Variants in KCNQ1 observed in about 807,000 individuals in gnomAD.
The protein encoded by KCNQ1 is potassium voltage-gated channel subfamily Q member 1, also known as potassium voltage-gated channel subfamily KQT member 1.
In KCNQ1, 49 loss-of-function variants were observed where a neutral mutation model predicts 72.4. That is an observed-to-expected ratio of 0.68 (90% CI 0.54 to 0.86). The LOEUF is 0.86. Ranked by LOEUF, KCNQ1 falls within the 40% of genes least tolerant of loss-of-function variation. The pLI is 0.00. For synonymous variants in KCNQ1, 450 were observed against 412.6 expected, an observed-to-expected ratio of 1.09 and a Z score of -1.10; for missense variants, 790 against 945.1, an observed-to-expected ratio of 0.84 and a Z score of 2.15.
intron 15 of KCNQ1, among the ~76,000 whole-genome samples, chr11:2,800,543 G>C (rs1847242334): frequency 6.6e-6 from 1 of 152,206 alleles, no homozygotes; most frequent in Non-Finnish European, 1.5e-5. Flanking sequence ...CCAGGGAGTG[G>C]GGGAAGGGGC....
chr11:2,753,019 C>T (rs762257610), intron 11 of KCNQ1, among the ~76,000 whole-genome samples: 1 of 152,148 alleles, frequency 6.6e-6, no homozygotes, highest in African/African-American at 2.4e-5. Context: ...CTCACAAAGA[C>T]GTAAGAACCA....
In KCNQ1 at chr11:2,550,510, C is replaced by T. The variant is rs192045740; in HGVS notation, c.478-20118C>T. 3.3e-5 allele frequency among the ~76,000 whole-genome samples: 5 copies of T among 152,316 alleles called. No individual in the cohort carries two copies. Among genetic ancestry groups the T allele is most frequent in the African/African-American group, 4.8e-5 (2 of 41,556 alleles). On this transcript the variant is annotated intron_variant, in intron 2 of 15. Transcript: ENST00000155840. The surrounding 1 kb of genome is among the most constrained non-coding windows in gnomAD (Gnocchi z 6.0). ...CTGGAAAGCAGCCAAGGGCACTGCC[C>T]GCCCTGGGAGCTGATGCCTGACATG... is the stretch of plus-strand genomic sequence containing the variant.
In KCNQ1 at chr11:2,828,395, A is replaced by C. The variant is rs943009006; in HGVS notation, c.1795-19372A>C. On this transcript the variant is annotated intron_variant, in intron 15 of 15. Transcript: ENST00000155840. The surrounding 1 kb of genome is among the most constrained non-coding windows in gnomAD (Gnocchi z 5.3). ...GGCATGAAAAACATGGAAACATGTA[A>C]ATCAACTAGGGTAAAGTGGTCAGGA... Among the ~76,000 whole-genome samples the C allele has an allele frequency of 2.0e-5, 3 of 152,236 alleles. No individual in the cohort carries two copies. The East Asian group carries it at 5.8e-4, about 29-fold the overall frequency.
In KCNQ1 at chr11:2,847,939, G is replaced by C; in HGVS notation, c.1967G>C (p.Ser656Thr). ...GTCGACCCTGAGCTCTTCCTGCCCA[G>C]CAACACCCTGCCCACCTACGAGCAG... Reference protein sequence around the residue: ...GSVDPELFLPSNTLPTYEQLT... With the variant: ...GSVDPELFLPTNTLPTYEQLT... Residue 656 changes from serine (S) to threonine (T), a missense_variant, in exon 16 of 16, where the codon AGC becomes ACC. Physicochemically the swap from Ser to Thr is moderately conservative, Grantham distance 58 (BLOSUM62 1). Around this residue, in one of 5 missense-constraint regions of KCNQ1, gnomAD observed 94 missense variants for 85.2 expected, o/e 1.10. Coordinates refer to ENST00000155840, the MANE Select transcript of KCNQ1 (RefSeq NM_000218.3). 6.4e-7 allele frequency: 1 copy of C among 1,573,314 alleles called. No homozygotes were observed. Among genetic ancestry groups the C allele is most frequent in the Non-Finnish European group, 8.6e-7 (1 of 1,158,788 alleles).
Position 2,545,966 on chromosome 11 carries a change from T to G in KCNQ1, c.477+17948T>G, listed in dbSNP as rs74778907. On this transcript the variant is annotated intron_variant, in intron 2 of 15. Transcript: ENST00000155840. ...ATTTATGGATCTCAAAGAATCAGCT[T>G]TTGGTTTCATTATTTTTTTTCTTTT... Among the ~76,000 whole-genome samples the G allele has an allele frequency of 1.9e-3, 287 of 152,296 alleles. 8 individuals carry two copies. The East Asian group carries it at 0.047, about 25-fold the overall frequency.
chr11:2,502,228 T>G (rs186457081), intron 1 of KCNQ1, among the ~76,000 whole-genome samples: 15 of 152,244 alleles, frequency 9.9e-5, no homozygotes, highest in Admixed American at 2.6e-4. Flanking sequence ...ATAAAGGGCA[T>G]CCAAGTTGGA....
intron 15 of KCNQ1, among the ~76,000 whole-genome samples, chr11:2,792,082 C>T (rs573258177): frequency 9.8e-4 from 149 of 152,270 alleles, no homozygotes; most frequent in African/African-American, 3.5e-3. Flanking sequence ...CGCTGCTTCC[C>T]GCCCTGGTCC....
chr11:2,572,599 C>T (rs920501742), intron 5 of KCNQ1, among the ~76,000 whole-genome samples: 2 of 152,214 alleles, frequency 1.3e-5, no homozygotes, highest in Admixed American at 6.5e-5. Context: ...CAGTGGAGCC[C>T]GCGCCGGCCC....
At position 2,724,843 on chromosome 11, in the gene KCNQ1, G is replaced by A. The variant is rs978364798; in HGVS notation, c.1515-44001G>A. ...TCGTATGGAGCTGGAACAAGGCACT[G>A]GAAGGTACCAGGCCTCAGCGTTCTC... On this transcript the variant is annotated intron_variant, in intron 11 of 15. Transcript: ENST00000155840. This position sits in a 1 kb window ranked among gnomAD's most constrained non-coding sequence, Gnocchi z 6.8. 6.6e-6 allele frequency among the ~76,000 whole-genome samples: 1 copy of A among 152,182 alleles called. No individual in the cohort carries two copies. Among genetic ancestry groups the A allele is most frequent in the Non-Finnish European group, 1.5e-5 (1 of 68,028 alleles).
At position 2,671,136 on chromosome 11, in the gene KCNQ1, A is replaced by G. The variant is rs1850176686; in HGVS notation, c.1514+9055A>G. The G allele has an allele frequency of 1.0e-5, 4 of 398,540 alleles. No individual in the cohort carries two copies. The highest frequency in any genetic ancestry group is 4.4e-5 in the Admixed American group (1 of 22,716). The allele number at this position is 398,540 out of a possible 1,614,324, so 24.7% of individuals were successfully genotyped here. ...TAGTCTGTCAGGCCTGGTTGGTCCCATGGGAGGCCTGAGGTGCCATCTTAG... is the reference window on the plus strand; with the variant it reads ...TAGTCTGTCAGGCCTGGTTGGTCCCGTGGGAGGCCTGAGGTGCCATCTTAG... On this transcript the variant is annotated intron_variant, in intron 11 of 15. Coordinates refer to ENST00000155840, the MANE Select transcript of KCNQ1 (RefSeq NM_000218.3). The surrounding 1 kb of genome is among the most constrained non-coding windows in gnomAD (Gnocchi z 4.7).
chr11:2,826,404 C>A lies in KCNQ1; in HGVS notation c.1795-21363C>A, dbSNP rs1195799949. The stretch of plus-strand genomic sequence containing the variant: ...TGGGGGTCAGAACCCGCGGCCAGGC[C>A]CAGCAGCCGCCTCTTGGCAGCGCTG... On this transcript the variant is annotated intron_variant, in intron 15 of 15. Transcript: ENST00000155840. The surrounding 1 kb of genome is among the most constrained non-coding windows in gnomAD (Gnocchi z 4.2). 1.3e-5 allele frequency among the ~76,000 whole-genome samples: 2 copies of A among 152,244 alleles called. No homozygotes were observed. The highest frequency in any genetic ancestry group is 2.4e-5 in the African/African-American group (1 of 41,460).
intron 11 of KCNQ1, chr11:2,699,739 G>A (rs1244765610): frequency 8.8e-6 from 3 of 341,332 alleles, no homozygotes; most frequent in African/African-American, 2.6e-5. Flanking sequence ...GAACTGCGCC[G>A]AGGAGCCCCC....
intron 1 of KCNQ1, among the ~76,000 whole-genome samples, chr11:2,517,069 C>A (rs112615227): frequency 1.3e-5 from 2 of 152,206 alleles, no homozygotes; most frequent in African/African-American, 4.8e-5. Context: ...AGGGCCCAGG[C>A]TCCACGCTCC....
At chr11:2,585,734 C>T (rs528364665) in intron 8 of KCNQ1, among the ~76,000 whole-genome samples, 3 of 152,290 alleles carry the variant, frequency 2.0e-5, no homozygotes, top group East Asian at 3.9e-4. Flanking sequence ...TGGCATCCCT[C>T]AGGGCTCGGG....
chr11:2,616,304 TA>T (rs1393641419), intron 10 of KCNQ1: 1 of 397,830 alleles, frequency 2.5e-6, no homozygotes, highest in Non-Finnish European at 4.4e-6. Context: ...TCATTCTAGT[TA>T]AAGGTTTTCA....
chr11:2,691,709 G>T lies in KCNQ1; in HGVS notation c.1514+29628G>T, dbSNP rs1214100668. 1 of 398,584 alleles carries T rather than the reference G, an allele frequency of 2.5e-6. No individual in the cohort carries two copies. Among genetic ancestry groups the T allele is most frequent in the Admixed American group, 4.4e-5 (1 of 22,738 alleles). The allele number at this position is 398,584 out of a possible 1,614,324, so 24.7% of individuals were successfully genotyped here. A position where few individuals can be genotyped will look rare whatever the true frequency, so the allele number is the denominator to read the frequency against. ...GGGGTCTCTCCCCATCTGTCCAGGG[G>T]AGAGGCAGCCCACAGGGAGCCACAC... is the stretch of plus-strand genomic sequence containing the variant. On this transcript the variant is annotated intron_variant, in intron 11 of 15. Transcript: ENST00000155840. The surrounding 1 kb of genome is among the most constrained non-coding windows in gnomAD (Gnocchi z 6.4).
At chr11:2,555,398 T>C (rs534367592) in intron 2 of KCNQ1, among the ~76,000 whole-genome samples, 8 of 152,340 alleles carry the variant, frequency 5.3e-5, no homozygotes, top group African/African-American at 1.9e-4. Flanking sequence ...AGGCTGAAAC[T>C]AAATCCTCGT....
At chr11:2,527,724 T>A (rs1361582517) in intron 1 of KCNQ1, among the ~76,000 whole-genome samples, 1 of 152,246 alleles carries the variant, frequency 6.6e-6, no homozygotes, top group Non-Finnish European at 1.5e-5. Flanking sequence ...TGTTGGTGCT[T>A]CGTCCCTTCC....
At position 2,451,276 on chromosome 11, in the gene KCNQ1, A is replaced by C. The variant is rs982283483; in HGVS notation, c.386+5792A>C. Among the ~76,000 whole-genome samples, 1 of 152,306 alleles carries C rather than the reference A, an allele frequency of 6.6e-6. No individual in the cohort carries two copies. Among genetic ancestry groups the C allele is most frequent in the African/African-American group, 2.4e-5 (1 of 41,558 alleles). On this transcript the variant is annotated intron_variant, in intron 1 of 15. Transcript: ENST00000155840. The surrounding 1 kb of genome is among the most constrained non-coding windows in gnomAD (Gnocchi z 6.4). ...TATTAGATTCTCATAAGAAGCGTGC[A>C]ACCTAGATCCCTTGTGTGCGCAGTT...
Sources: allele counts gnomAD v4.1 joint callset (sites outside exome capture counted in the v4.1 genomes callset), GRCh38; gene constraint gnomAD v4.1.1; regional missense constraint gnomAD v4.1.1; non-coding constraint Gnocchi (gnomAD v3.1); transcripts MANE v1.5; gene names NCBI Gene and HGNC (gene_info 2026-07-23, HGNC 2026-07-21).